The following RALGPS2 variants were observed in gnomAD, a reference collection of about 807,000 sequenced individuals.
RALGPS2 encodes the protein ras-specific guanine nucleotide-releasing factor RalGPS2.
In RALGPS2, 43 loss-of-function variants were observed where a neutral mutation model predicts 86.8. That is an observed-to-expected ratio of 0.50 (90% CI 0.39 to 0.64). RALGPS2 has a LOEUF of 0.64. Ranked by LOEUF, RALGPS2 falls within the 30% of genes least tolerant of loss-of-function variation. The pLI, the probability that RALGPS2 is intolerant of heterozygous loss-of-function variation, is 0.00. For synonymous variants in RALGPS2, 243 were observed against 231.3 expected (o/e 1.05, Z -0.46); for missense variants, 536 against 694.6 (o/e 0.77, Z 2.57).
chr1:178,801,808 A>G (rs575056252), intron 4 of RALGPS2, among the ~76,000 whole-genome samples: 82 of 93,526 alleles, frequency 8.8e-4, no homozygotes, highest in African/African-American at 3.9e-3. Context: ...AGGTGACTTG[A>G]TGGGTAGAAG....
chr1:178,878,793 T>G, intron 9 of RALGPS2, 109 bp from the exon 10 acceptor site: 1 of 1,435,764 alleles, frequency 7.0e-7, no homozygotes. Context: ...TTAATTTAAA[T>G]TTTGCTGCCA....
chr1:178,752,247 C>A (rs1329786205), intron 1 of RALGPS2, among the ~76,000 whole-genome samples: 1 of 151,736 alleles, frequency 6.6e-6, no homozygotes, highest in Non-Finnish European at 1.5e-5. Context: ...GCAATTCTCT[C>A]ACCCCAGCCT....
chr1:178,752,026 G>GC (rs1049620247), intron 1 of RALGPS2, among the ~76,000 whole-genome samples: 3 of 152,106 alleles, frequency 2.0e-5, no homozygotes, highest in African/African-American at 7.2e-5. Context: ...CAGGGAGGAT[G>GC]CATGGCATAT....
intron 6 of RALGPS2, among the ~76,000 whole-genome samples, chr1:178,812,292 G>A (rs1447238472): frequency 1.3e-5 from 2 of 152,182 alleles, no homozygotes; most frequent in African/African-American, 4.8e-5. Context: ...AGCTCTAGGG[G>A]AGGTGGCATT....
At chr1:178,759,055 G>A (rs551987542) in intron 1 of RALGPS2, among the ~76,000 whole-genome samples, 14 of 152,020 alleles carry the variant, frequency 9.2e-5, no homozygotes, top group South Asian at 8.3e-4. Context: ...CCTTTGTTGC[G>A]CAAAAGCTTT....
chr1:178,905,978 A>G (rs569234192), intron 18 of RALGPS2, among the ~76,000 whole-genome samples: 5 of 152,372 alleles, frequency 3.3e-5, no homozygotes, highest in South Asian at 4.1e-4. Context: ...AGCATAGTCT[A>G]TCAATGTTAT....
chr1:178,738,983 C>G, intron 1 of RALGPS2, among the ~76,000 whole-genome samples: 1 of 152,176 alleles, frequency 6.6e-6, no homozygotes, highest in East Asian at 1.9e-4. Context: ...GCTTACATGA[C>G]AAATCTGTAT....
chr1:178,873,319 GA>G (rs1658853892), intron 8 of RALGPS2, among the ~76,000 whole-genome samples: 1 of 151,786 alleles, frequency 6.6e-6, no homozygotes, highest in Non-Finnish European at 1.5e-5. Flanking sequence ...CAACCCAAAA[GA>G]AAAAATGAAC....
At chr1:178,770,150 G>A (rs112972340) in intron 1 of RALGPS2, among the ~76,000 whole-genome samples, 12,711 of 151,722 alleles carry the variant, frequency 0.084, 1,101 homozygotes, top group African/African-American at 0.22. Context: ...CTAAGTAGCT[G>A]GGACTACAGG....
intron 1 of RALGPS2, chr1:178,725,956 T>C: frequency 6.6e-6 from 1 of 152,084 alleles, no homozygotes; most frequent in Non-Finnish European, 1.5e-5. Context: ...GGTGACCTGT[T>C]GCAGAGCGGC....
intron 8 of RALGPS2, among the ~76,000 whole-genome samples, chr1:178,870,257 T>C (rs1658669391): frequency 6.6e-6 from 1 of 152,168 alleles, no homozygotes; most frequent in Non-Finnish European, 1.5e-5. Flanking sequence ...TTTCAACTAT[T>C]TTTGTATCTT....
intron 8 of RALGPS2, among the ~76,000 whole-genome samples, chr1:178,842,833 GT>G: frequency 6.8e-6 from 1 of 147,810 alleles, no homozygotes; most frequent in Non-Finnish European, 1.5e-5. Context: ...CCATCAAAAA[GT>G]GGGCGAAGGA....
chr1:178,736,415 G>A (rs193040594), intron 1 of RALGPS2, among the ~76,000 whole-genome samples: 2 of 151,956 alleles, frequency 1.3e-5, no homozygotes, highest in East Asian at 3.9e-4. Flanking sequence ...AGCCACCTCG[G>A]CCTCCCAAAA....
chr1:178,874,926 T>A (rs577713687), intron 8 of RALGPS2, among the ~76,000 whole-genome samples: 1 of 152,308 alleles, frequency 6.6e-6, no homozygotes, highest in East Asian at 1.9e-4. Context: ...ATAATTTTTG[T>A]GAAATCACGA....
intron 1 of RALGPS2, among the ~76,000 whole-genome samples, chr1:178,774,278 A>T (rs921375513): frequency 6.6e-6 from 1 of 152,104 alleles, no homozygotes; most frequent in Non-Finnish European, 1.5e-5. Flanking sequence ...TGTCTCAAAA[A>T]AAAAAATAAA....
intron 16 of RALGPS2, among the ~76,000 whole-genome samples, chr1:178,897,344 G>A (rs891665586): frequency 6.6e-6 from 1 of 152,092 alleles, no homozygotes; most frequent in Admixed American, 6.6e-5. Flanking sequence ...TGGTGGGACT[G>A]TAAAGCAAAC....
intron 4 of RALGPS2, among the ~76,000 whole-genome samples, chr1:178,801,641 G>T (rs1654484623): frequency 6.6e-6 from 1 of 152,154 alleles, no homozygotes; most frequent in Non-Finnish European, 1.5e-5. Context: ...TGGAAAAAAT[G>T]CTTTGTCACT....
chr1:178,731,372 T>A (rs1650350007), intron 1 of RALGPS2, among the ~76,000 whole-genome samples: 1 of 128,264 alleles, frequency 7.8e-6, no homozygotes, highest in Non-Finnish European at 1.6e-5. Context: ...ACCCTCCACC[T>A]CCTGGGTTCA....
At chr1:178,775,862 C>A (rs1389520546) in intron 1 of RALGPS2, among the ~76,000 whole-genome samples, 1 of 151,314 alleles carries the variant, frequency 6.6e-6, no homozygotes, top group Non-Finnish European at 1.5e-5. Flanking sequence ...AGTAAAGCCA[C>A]CATATCCATG....
Sources: allele counts gnomAD v4.1 joint callset (sites outside exome capture counted in the v4.1 genomes callset), GRCh38; gene constraint gnomAD v4.1.1; transcripts MANE v1.5; gene names NCBI Gene and HGNC (gene_info 2026-07-23, HGNC 2026-07-21).